The following PRKN variants were observed in gnomAD, a reference collection of about 807,000 sequenced individuals.
PRKN encodes parkin RBR E3 ubiquitin protein ligase.
PRKN carries 56 observed loss-of-function variants against 59.5 expected under a neutral mutation model. That is an observed-to-expected ratio of 0.94 (90% CI 0.76 to 1.18). The LOEUF (loss-of-function observed/expected upper bound fraction) is 1.18, where lower values mean the gene tolerates loss of function less well. PRKN is among the 50% of genes most tolerant of loss of function. The pLI is 0.00. For missense variants in PRKN, 657 were observed against 596.4 expected, an observed-to-expected ratio of 1.10 and a Z score of -1.06; for synonymous variants, 250 against 222.1, an observed-to-expected ratio of 1.13 and a Z score of -1.12.
At chr6:161,726,051 A>G (rs1379890371) in intron 7 of PRKN, among the ~76,000 whole-genome samples, 4 of 152,200 alleles carry the variant, frequency 2.6e-5, no homozygotes, top group African/African-American at 9.6e-5. Context: ...CACTGACTTC[A>G]CTTCACAAAT....
At chr6:162,427,707 G>A (rs1178481423) in intron 2 of PRKN, among the ~76,000 whole-genome samples, 6 of 150,056 alleles carry the variant, frequency 4.0e-5, no homozygotes, top group South Asian at 2.1e-4. Flanking sequence ...CTGCAGTGGC[G>A]CAATCTCGGC....
At chr6:162,286,432 C>G (rs1781196022) in intron 2 of PRKN, among the ~76,000 whole-genome samples, 1 of 152,154 alleles carries the variant, frequency 6.6e-6, no homozygotes, top group South Asian at 2.1e-4. Flanking sequence ...TTCAAACTCC[C>G]TACAACTTCA....
intron 1 of PRKN, among the ~76,000 whole-genome samples, chr6:162,654,632 A>C (rs967002258): frequency 1.3e-5 from 2 of 152,224 alleles, no homozygotes; most frequent in African/African-American, 4.8e-5. Context: ...ATTCAAGAGA[A>C]AACAATTTTT....
chr6:162,140,833 A>C (rs1268287955), intron 4 of PRKN, among the ~76,000 whole-genome samples: 1 of 152,186 alleles, frequency 6.6e-6, no homozygotes, highest in Non-Finnish European at 1.5e-5. Flanking sequence ...GAAGACTGTA[A>C]GATTATTTAT....
intron 9 of PRKN, among the ~76,000 whole-genome samples, chr6:161,398,703 G>T (rs902833271): frequency 6.6e-6 from 1 of 152,182 alleles, no homozygotes; most frequent in Non-Finnish European, 1.5e-5. Context: ...AGCATGTACT[G>T]TGTGTGAATG....
intron 6 of PRKN, among the ~76,000 whole-genome samples, chr6:161,863,279 T>C (rs1793980084): frequency 6.6e-6 from 1 of 151,984 alleles, no homozygotes; most frequent in African/African-American, 2.4e-5. Context: ...CTGTTTGTCA[T>C]TCCCTTGACT....
chr6:162,176,862 T>A (rs73592398), intron 4 of PRKN, among the ~76,000 whole-genome samples: 2,898 of 150,140 alleles, frequency 0.019, 95 homozygotes, highest in African/African-American at 0.067. Flanking sequence ...AATAAACAGA[T>A]GAAACAAAAT....
intron 7 of PRKN, among the ~76,000 whole-genome samples, chr6:161,783,197 T>C (rs1451070175): frequency 2.6e-5 from 4 of 152,134 alleles, no homozygotes; most frequent in African/African-American, 4.8e-5. Flanking sequence ...AGTTGTAATA[T>C]TGGTGACTTT....
intron 6 of PRKN, among the ~76,000 whole-genome samples, chr6:161,932,954 T>C (rs1047499264): frequency 6.6e-6 from 1 of 152,180 alleles, no homozygotes; most frequent in Non-Finnish European, 1.5e-5. Flanking sequence ...GTTTATAATG[T>C]GGGTTATAAG....
intron 2 of PRKN, among the ~76,000 whole-genome samples, chr6:162,287,664 T>C (rs1311351937): frequency 6.6e-6 from 1 of 152,204 alleles, no homozygotes; most frequent in Non-Finnish European, 1.5e-5. Flanking sequence ...TTCATCATTC[T>C]TTTGTGATTC....
chr6:162,571,878 T>C (rs180823074), intron 1 of PRKN, among the ~76,000 whole-genome samples: 3 of 152,184 alleles, frequency 2.0e-5, no homozygotes, highest in Admixed American at 6.5e-5. Flanking sequence ...AAACCACAAA[T>C]GTGAGACTCA....
At chr6:162,201,062 A>G (rs1784708470) in intron 4 of PRKN, 69 bp downstream of exon 4, 5 of 1,523,818 alleles carry the variant, frequency 3.3e-6, no homozygotes, top group Non-Finnish European at 4.6e-6. Context: ...CATTAGAAAA[A>G]CTGAAAGGCA....
At position 162,619,979 on chromosome 6, in the gene PRKN, T is replaced by C. The variant is rs986720082; in HGVS notation, c.7+107683A>G. Among the ~76,000 whole-genome samples the C allele has an allele frequency of 7.9e-5, 12 of 152,290 alleles. No individual in the cohort carries two copies. In the East Asian group the frequency reaches 2.3e-3, roughly 29 times the overall value. On this transcript the variant is annotated intron_variant, in intron 1 of 11. Coordinates refer to ENST00000366898, the MANE Select transcript of PRKN (RefSeq NM_004562.3). ...AGAAAGGTAATATTTGCACATGCAT[T>C]AACATACATGACATTGCAATCTGAT...
At chr6:161,939,885 T>C (rs1485464868) in intron 6 of PRKN, among the ~76,000 whole-genome samples, 13 of 152,148 alleles carry the variant, frequency 8.5e-5, no homozygotes, top group Non-Finnish European at 1.8e-4. Context: ...AAATTGGTAC[T>C]AAATAATGGA....
At position 161,402,594 on chromosome 6, in the gene PRKN, T is replaced by C. The variant is rs971524445; in HGVS notation, c.1084-15717A>G. Among the ~76,000 whole-genome samples the C allele has an allele frequency of 2.0e-5, 3 of 151,998 alleles. No individual in the cohort carries two copies. Among genetic ancestry groups the C allele is most frequent in the African/African-American group, 7.3e-5 (3 of 41,354 alleles). On this transcript the variant is annotated intron_variant, in intron 9 of 11. Transcript: ENST00000366898. The surrounding 1 kb of genome is among the most constrained non-coding windows in gnomAD (Gnocchi z 4.5). ...GGCTGGGCTATTGATTAAAATGGCA[T>C]ATAAACAGATTAACAGGAGAAAGAG...
At position 161,451,428 on chromosome 6, in the gene PRKN, C is replaced by A. The variant is rs929915281; in HGVS notation, c.1084-64551G>T. Among the ~76,000 whole-genome samples, 2 of 152,156 alleles carry A rather than the reference C, an allele frequency of 1.3e-5. No individual in the cohort carries two copies. The highest frequency in any genetic ancestry group is 4.1e-4 in the South Asian group (2 of 4,822). Reference sequence around the variant, plus strand: ...CATAGGCAGAGTACTGAGAAGCCTTCCTTGTGCCTGTCACTACACTTCCAT... The same window carrying A: ...CATAGGCAGAGTACTGAGAAGCCTTACTTGTGCCTGTCACTACACTTCCAT... On this transcript the variant is annotated intron_variant, in intron 9 of 11. Coordinates refer to ENST00000366898, the MANE Select transcript of PRKN (RefSeq NM_004562.3). This position sits in a 1 kb window ranked among gnomAD's most constrained non-coding sequence, Gnocchi z 5.9.
At position 161,371,366 on chromosome 6, in the gene PRKN, T is replaced by A. The variant is rs946425603; in HGVS notation, c.1168-11161A>T. On this transcript the variant is annotated intron_variant, in intron 10 of 11. Transcript: ENST00000366898. The surrounding 1 kb of genome is among the most constrained non-coding windows in gnomAD (Gnocchi z 5.5). ...TGAGGGAGGAGACGGAGTTTCACCA[T>A]GTTGGCCAGGCTAGTTTTGAACTCC... Among the ~76,000 whole-genome samples the A allele has an allele frequency of 6.6e-6, 1 of 151,882 alleles. No homozygotes were observed. The highest frequency in any genetic ancestry group is 2.4e-5 in the African/African-American group (1 of 41,364).
At chr6:162,616,693 T>A (rs1187655576) in intron 1 of PRKN, among the ~76,000 whole-genome samples, 1 of 152,216 alleles carries the variant, frequency 6.6e-6, no homozygotes, top group Non-Finnish European at 1.5e-5. Flanking sequence ...ACAAAATTGC[T>A]ACTCCTCTGA....
In PRKN at chr6:162,227,933, T is replaced by TAA. The variant is rs200671069; in HGVS notation, c.413-26683_413-26682dup. 8.7e-4 allele frequency among the ~76,000 whole-genome samples: 124 copies of TAA among 141,930 alleles called. 2 individuals carry two copies. In the East Asian group the frequency reaches 0.018, roughly 20 times the overall value. The allele number at this position is 141,930 out of a possible 152,430, so 93.1% of individuals were successfully genotyped here. A position where few individuals can be genotyped will look rare whatever the true frequency, so the allele number is the denominator to read the frequency against. ...GTATTTTAAAAACCAGTAGTTCCAT[T>TAA]AAAAAAAAAAAAAAAACTTAACTAC... On this transcript the variant is annotated intron_variant, in intron 3 of 11. Coordinates refer to ENST00000366898, the MANE Select transcript of PRKN (RefSeq NM_004562.3).
Sources: allele counts gnomAD v4.1 joint callset (sites outside exome capture counted in the v4.1 genomes callset), GRCh38; gene constraint gnomAD v4.1.1; non-coding constraint Gnocchi (gnomAD v3.1); transcripts MANE v1.5; gene names NCBI Gene and HGNC (gene_info 2026-07-23, HGNC 2026-07-21).